PTPRD: variants seen among roughly 807,000 people sequenced by gnomAD.
The protein encoded by PTPRD is protein tyrosine phosphatase receptor type D, also known as receptor-type tyrosine-protein phosphatase delta.
PTPRD carries 34 observed loss-of-function variants against 214.5 expected under a neutral mutation model. The ratio of observed to expected loss-of-function variants is 0.16; its 90% confidence interval spans 0.12 to 0.21. PTPRD has a LOEUF of 0.21. PTPRD is among the 10% of genes least tolerant of loss of function. PTPRD has a pLI of 1.00. For synonymous variants in PTPRD, 1,128 were observed against 845.7 expected (o/e 1.33, Z -5.79); for missense variants, 2,545 against 2,398.7 (o/e 1.06, Z -1.27).
chr9:9,374,726 T>C (rs1252786754), intron 9 of PTPRD, among the ~76,000 whole-genome samples: 1 of 152,190 alleles, frequency 6.6e-6, no homozygotes, highest in East Asian at 1.9e-4. Flanking sequence ...TGTAAAACAA[T>C]GCATATACAA....
At chr9:8,789,018 G>A (rs2096114083) in intron 11 of PTPRD, among the ~76,000 whole-genome samples, 1 of 151,978 alleles carries the variant, frequency 6.6e-6, no homozygotes, top group Admixed American at 6.6e-5. Context: ...ACAGACACAG[G>A]ACTGAGTCAT....
At chr9:10,048,524 T>A (rs1199731657) in intron 3 of PTPRD, among the ~76,000 whole-genome samples, 2 of 152,096 alleles carry the variant, frequency 1.3e-5, no homozygotes. Context: ...GTTTCCAGTT[T>A]TATTACATAT....
At chr9:9,468,016 G>A (rs1414864614) in intron 8 of PTPRD, among the ~76,000 whole-genome samples, 2 of 152,002 alleles carry the variant, frequency 1.3e-5, no homozygotes, top group Admixed American at 6.6e-5. Flanking sequence ...TAGTGATTTA[G>A]GAACTTTATA....
intron 3 of PTPRD, among the ~76,000 whole-genome samples, chr9:10,150,892 T>C (rs1052065044): frequency 2.0e-5 from 3 of 151,966 alleles, no homozygotes; most frequent in Non-Finnish European, 4.4e-5. Context: ...TATCCCCAAA[T>C]TCTCTTAAAA....
Position 8,316,238 on chromosome 9 carries a change from G to A in PTPRD, c.*1636C>T, listed in dbSNP as rs1388045715. ...TATTCAAAGAGTTTTTGTACATGTG[G>A]TAAACAGATAATGCTTTAATAGAAA... On this transcript the variant is annotated 3_prime_UTR_variant, in exon 46 of 46. Transcript: ENST00000381196. 4.4e-6 allele frequency: 1 copy of A among 229,376 alleles called. No individual in the cohort carries two copies. The highest frequency in any genetic ancestry group is 2.2e-5 in the African/African-American group (1 of 45,058). 14.2% of individuals were successfully genotyped at this position (229,376 alleles called of 1,614,324 possible). A position where few individuals can be genotyped will look rare whatever the true frequency, so the allele number is the denominator to read the frequency against.
At chr9:9,613,387 T>C (rs1363627461) in intron 7 of PTPRD, among the ~76,000 whole-genome samples, 1 of 152,042 alleles carries the variant, frequency 6.6e-6, no homozygotes, top group African/African-American at 2.4e-5. Flanking sequence ...TGAGTTCTAA[T>C]GATAATTGCC....
At chr9:8,885,573 T>A (rs910767522) in intron 11 of PTPRD, among the ~76,000 whole-genome samples, 4 of 143,980 alleles carry the variant, frequency 2.8e-5, no homozygotes, top group African/African-American at 1.0e-4. Flanking sequence ...CTCGGCTCAC[T>A]GAAACCTCTG....
intron 2 of PTPRD, among the ~76,000 whole-genome samples, chr9:10,552,680 C>A (rs991545234): frequency 6.6e-6 from 1 of 152,122 alleles, no homozygotes; most frequent in East Asian, 1.9e-4. Context: ...GCAAGAGGAG[C>A]ACTGCAGATT....
At chr9:9,694,773 C>A (rs2097339723) in intron 7 of PTPRD, among the ~76,000 whole-genome samples, 1 of 152,128 alleles carries the variant, frequency 6.6e-6, no homozygotes, top group Admixed American at 6.5e-5. Context: ...ATCTGCCATG[C>A]CACCACCAAT....
At chr9:9,308,538 A>T (rs1461070846) in intron 9 of PTPRD, among the ~76,000 whole-genome samples, 1 of 152,166 alleles carries the variant, frequency 6.6e-6, no homozygotes, top group Non-Finnish European at 1.5e-5. Context: ...ACTTTTTGTG[A>T]TTCTTCATCT....
intron 7 of PTPRD, among the ~76,000 whole-genome samples, chr9:9,635,511 G>A (rs188481661): frequency 6.8e-4 from 104 of 152,262 alleles, no homozygotes; most frequent in Non-Finnish European, 1.2e-3. Flanking sequence ...CAATTCTGGG[G>A]ACTGTGATGA....
Position 9,989,031 on chromosome 9 carries a change from A to AC in PTPRD, c.-472+44686_-472+44687insG, listed in dbSNP as rs1388425306. Among the ~76,000 whole-genome samples the AC allele has an allele frequency of 2.4e-4, 34 of 141,924 alleles. 2 individuals carry two copies. Among genetic ancestry groups the AC allele is most frequent in the Non-Finnish European group, 4.2e-4 (28 of 67,112 alleles). 93.1% of individuals were successfully genotyped at this position (141,924 alleles called of 152,430 possible). A position where few individuals can be genotyped will look rare whatever the true frequency, so the allele number is the denominator to read the frequency against. Reference sequence around the variant, plus strand: ...TTTCACTGACCAAAAAAAAAAAAAAAAAAAAAAAAAAAAACCACAGACTTT... The same window carrying AC: ...TTTCACTGACCAAAAAAAAAAAAAAACAAAAAAAAAAAAAACCACAGACTTT... On this transcript the variant is annotated intron_variant, in intron 4 of 45. Coordinates refer to ENST00000381196, the MANE Select transcript of PTPRD (RefSeq NM_002839.4).
intron 12 of PTPRD, among the ~76,000 whole-genome samples, chr9:8,690,558 T>C (rs1226488297): frequency 2.6e-5 from 4 of 151,428 alleles, no homozygotes; most frequent in Non-Finnish European, 4.4e-5. Flanking sequence ...GATTTAATCA[T>C]ATGGTCAGTA....
intron 5 of PTPRD, among the ~76,000 whole-genome samples, chr9:9,922,023 G>A (rs1358235897): frequency 3.3e-5 from 5 of 152,102 alleles, no homozygotes; most frequent in African/African-American, 9.7e-5. Flanking sequence ...TGTGGAGGAT[G>A]GGAAGCAGGT....
intron 11 of PTPRD, among the ~76,000 whole-genome samples, chr9:8,994,265 T>C (rs1026105705): frequency 6.6e-6 from 1 of 152,126 alleles, no homozygotes; most frequent in Non-Finnish European, 1.5e-5. Flanking sequence ...CAAATAGGGA[T>C]GCACTTGAAA....
chr9:9,521,661 C>T (rs1022859669), intron 8 of PTPRD, among the ~76,000 whole-genome samples: 9 of 152,104 alleles, frequency 5.9e-5, no homozygotes, highest in African/African-American at 2.2e-4. Flanking sequence ...GAAATTAAAG[C>T]CCTATGCCTC....
intron 9 of PTPRD, among the ~76,000 whole-genome samples, chr9:9,269,452 C>CAA (rs71319209): frequency 6.8e-4 from 102 of 150,658 alleles, no homozygotes; most frequent in East Asian, 2.8e-3. Flanking sequence ...GGAGGTTCCT[C>CAA]AAAAAAAATA....
intron 5 of PTPRD, among the ~76,000 whole-genome samples, chr9:9,856,956 G>C (rs1294320426): frequency 1.3e-5 from 2 of 152,206 alleles, no homozygotes; most frequent in Non-Finnish European, 2.9e-5. Flanking sequence ...AATGAAAGCA[G>C]TGGTTATTCT....
intron 5 of PTPRD, among the ~76,000 whole-genome samples, chr9:9,808,124 T>C (rs371576156): frequency 5.3e-5 from 8 of 152,152 alleles, no homozygotes; most frequent in Non-Finnish European, 2.9e-5. Flanking sequence ...CTTAATCAGG[T>C]TCTCTAATCC....
Sources: allele counts gnomAD v4.1 joint callset (sites outside exome capture counted in the v4.1 genomes callset), GRCh38; gene constraint gnomAD v4.1.1; transcripts MANE v1.5; gene names NCBI Gene and HGNC (gene_info 2026-07-23, HGNC 2026-07-21).